KCNQ5: variants seen among roughly 807,000 people sequenced by gnomAD.
The protein encoded by KCNQ5 is potassium voltage-gated channel subfamily Q member 5.
KCNQ5 carries 30 observed loss-of-function variants against 98.2 expected under a neutral mutation model. The observed-to-expected ratio is 0.31, with a 90% confidence interval of 0.23 to 0.41. KCNQ5 has a LOEUF of 0.41. Among genes scored for constraint, KCNQ5 ranks in the 10% least tolerant of loss-of-function variants. KCNQ5 has a pLI of 1.00. For missense variants in KCNQ5, 835 were observed against 1,182.5 expected (o/e 0.71, Z 4.31); for synonymous variants, 458 against 449.4 (o/e 1.02, Z -0.24).
At position 72,752,799 on chromosome 6, in the gene KCNQ5, A is replaced by G. The variant is rs1368963708; in HGVS notation, c.398+130212A>G. Among the ~76,000 whole-genome samples the G allele has an allele frequency of 2.6e-5, 4 of 152,148 alleles. No homozygotes were observed. The East Asian group carries it at 5.8e-4, about 22-fold the overall frequency. ...TATCATATTGTGTTTCTGATTTTCT[A>G]CAAGTATTAATACTATAAAATTAAA... On this transcript the variant is annotated intron_variant, in intron 1 of 13. Transcript: ENST00000370398.
chr6:72,712,233 C>T (rs991476851), intron 1 of KCNQ5, among the ~76,000 whole-genome samples: 2 of 152,124 alleles, frequency 1.3e-5, no homozygotes, highest in East Asian at 3.9e-4. Flanking sequence ...GGAACACCTA[C>T]ATTTATAGGC....
intron 1 of KCNQ5, among the ~76,000 whole-genome samples, chr6:72,885,174 T>C (rs1778802267): frequency 6.6e-6 from 1 of 152,242 alleles, no homozygotes; most frequent in Non-Finnish European, 1.5e-5. Context: ...TTTTAATTTG[T>C]CAGCTTCATA....
intron 1 of KCNQ5, among the ~76,000 whole-genome samples, chr6:72,775,740 C>G (rs116652352): frequency 6.6e-6 from 1 of 152,142 alleles, no homozygotes; most frequent in Non-Finnish European, 1.5e-5. Flanking sequence ...AAACCCATAA[C>G]CCCAGTCCCA....
rs543413557 is a variant in KCNQ5 at position 73,137,046 on chromosome 6, A to G, written c.1468+3405A>G. Among the ~76,000 whole-genome samples the G allele has an allele frequency of 2.6e-5, 4 of 152,302 alleles. No individual in the cohort carries two copies. The East Asian group carries it at 5.8e-4, about 22-fold the overall frequency. On this transcript the variant is annotated intron_variant, in intron 10 of 13. Transcript: ENST00000370398. The stretch of plus-strand genomic sequence containing the variant: ...AACTCAGATCAACCTTTAAGTTAAT[A>G]ACAAAAAGTTATATTTGGAAAATAA...
In KCNQ5 at chr6:73,108,720, G is replaced by A. The variant is rs547990805; in HGVS notation, c.1030-2588G>A. On this transcript the variant is annotated intron_variant, in intron 6 of 13. Coordinates refer to ENST00000370398, the MANE Select transcript of KCNQ5 (RefSeq NM_019842.4). Reference sequence around the variant, plus strand: ...CGGGCACCTGTAATCCCAGCTACTCGGGAGGCTGAGGCAGGAGAATGATGT... The same window carrying A: ...CGGGCACCTGTAATCCCAGCTACTCAGGAGGCTGAGGCAGGAGAATGATGT... 1.9e-3 allele frequency among the ~76,000 whole-genome samples: 287 copies of A among 152,148 alleles called. 1 individual carries two copies. The highest frequency in any genetic ancestry group is 6.3e-3 in the African/African-American group (262 of 41,498).
chr6:72,973,147 A>G (rs116535855), intron 1 of KCNQ5, among the ~76,000 whole-genome samples: 4,143 of 152,326 alleles, frequency 0.027, 70 homozygotes, highest in Middle Eastern at 0.082. Flanking sequence ...ACTTTCTGCA[A>G]TAAATGGCCC....
intron 1 of KCNQ5, among the ~76,000 whole-genome samples, chr6:72,807,349 G>C (rs955075228): frequency 6.6e-6 from 1 of 151,950 alleles, no homozygotes; most frequent in Non-Finnish European, 1.5e-5. Context: ...AAAAGTAATT[G>C]ATTGATTTAT....
intron 1 of KCNQ5, among the ~76,000 whole-genome samples, chr6:72,626,556 C>T (rs540603720): frequency 1.3e-5 from 2 of 152,138 alleles, no homozygotes; most frequent in Non-Finnish European, 2.9e-5. Flanking sequence ...TGGTGATAAT[C>T]AGGGGAATGA....
intron 1 of KCNQ5, among the ~76,000 whole-genome samples, chr6:72,688,242 T>C (rs947861061): frequency 1.3e-5 from 2 of 152,180 alleles, no homozygotes; most frequent in African/African-American, 4.8e-5. Flanking sequence ...CATCTTCTTT[T>C]GTACAACACA....
intron 1 of KCNQ5, among the ~76,000 whole-genome samples, chr6:72,648,388 G>A (rs1484317302): frequency 6.6e-6 from 1 of 152,106 alleles, no homozygotes; most frequent in Admixed American, 6.6e-5. Flanking sequence ...CAGTGTCATT[G>A]TATAGGAAAA....
At chr6:72,986,302 G>C (rs1768773736) in intron 1 of KCNQ5, 1 of 300,912 alleles carries the variant, frequency 3.3e-6, no homozygotes, top group Non-Finnish European at 6.2e-6. Flanking sequence ...ATGAAATTGG[G>C]GTCACAGTGG....
At chr6:72,923,687 C>T (rs1449760019) in intron 1 of KCNQ5, among the ~76,000 whole-genome samples, 2 of 152,124 alleles carry the variant, frequency 1.3e-5, no homozygotes, top group Non-Finnish European at 2.9e-5. Context: ...TTTTTCAACC[C>T]AAATTTGCCT....
At chr6:72,767,128 G>A (rs1244042736) in intron 1 of KCNQ5, among the ~76,000 whole-genome samples, 1 of 151,978 alleles carries the variant, frequency 6.6e-6, no homozygotes, top group Admixed American at 6.6e-5. Context: ...TGGAGAAGGA[G>A]CAACAATAAG....
At chr6:72,896,925 G>T (rs540973325) in intron 1 of KCNQ5, among the ~76,000 whole-genome samples, 2 of 151,572 alleles carry the variant, frequency 1.3e-5, no homozygotes, top group Non-Finnish European at 2.9e-5. Flanking sequence ...CTGAGTCCTG[G>T]TTTTTTGTTT....
chr6:72,833,194 AC>A (rs1175513486), intron 1 of KCNQ5, among the ~76,000 whole-genome samples: 1 of 152,166 alleles, frequency 6.6e-6, no homozygotes, highest in Non-Finnish European at 1.5e-5. Flanking sequence ...GCATTTTAGG[AC>A]AGTGCTTAAG....
At chr6:73,090,676 C>T (rs1774208435) in intron 5 of KCNQ5, among the ~76,000 whole-genome samples, 1 of 151,980 alleles carries the variant, frequency 6.6e-6, no homozygotes, top group South Asian at 2.1e-4. Flanking sequence ...GTGTCCTTCG[C>T]TTCTCAAAAG....
chr6:72,767,412 A>T (rs981572689), intron 1 of KCNQ5, among the ~76,000 whole-genome samples: 3 of 152,036 alleles, frequency 2.0e-5, no homozygotes, highest in African/African-American at 7.2e-5. Flanking sequence ...GTAAATCATT[A>T]TAATCTTGGT....
intron 7 of KCNQ5, among the ~76,000 whole-genome samples, chr6:73,117,539 A>C (rs1023698969): frequency 6.6e-6 from 1 of 152,190 alleles, no homozygotes; most frequent in African/African-American, 2.4e-5. Flanking sequence ...AGTTCTTTAT[A>C]ACATTCACAG....
chr6:72,921,110 GAGTT>G (rs1259518292), intron 1 of KCNQ5, among the ~76,000 whole-genome samples: 1 of 152,134 alleles, frequency 6.6e-6, no homozygotes, highest in African/African-American at 2.4e-5. Context: ...ACTAAAATAA[GAGTT>G]AGAGTAAGCA....
Sources: allele counts gnomAD v4.1 joint callset (sites outside exome capture counted in the v4.1 genomes callset), GRCh38; gene constraint gnomAD v4.1.1; transcripts MANE v1.5; gene names NCBI Gene and HGNC (gene_info 2026-07-23, HGNC 2026-07-21).